Variants in CDH12 observed in about 807,000 individuals in gnomAD.
CDH12 encodes the protein cadherin 12.
In CDH12, 41 loss-of-function variants were observed where a neutral mutation model predicts 74.1. That is an observed-to-expected ratio of 0.55 (90% CI 0.43 to 0.72). The LOEUF is 0.72. Ranked by LOEUF, CDH12 falls within the 30% of genes least tolerant of loss-of-function variation. The pLI is 0.00. For missense variants in CDH12, 945 were observed against 977.2 expected, an observed-to-expected ratio of 0.97 and a Z score of 0.44; for synonymous variants, 399 against 355.0, an observed-to-expected ratio of 1.12 and a Z score of -1.39.
chr5:22,215,383 A>C (rs529507815), intron 3 of CDH12, among the ~76,000 whole-genome samples: 1 of 152,264 alleles, frequency 6.6e-6, no homozygotes, highest in African/African-American at 2.4e-5. Flanking sequence ...TTTATAACTG[A>C]TAAACTATTG....
chr5:21,857,636 T>C (rs980954039), intron 6 of CDH12, among the ~76,000 whole-genome samples: 1 of 151,892 alleles, frequency 6.6e-6, no homozygotes, highest in African/African-American at 2.4e-5. Flanking sequence ...TCATTGAGTA[T>C]GACAGAACTA....
intron 9 of CDH12, among the ~76,000 whole-genome samples, 168 bp from the exon 10 acceptor site, chr5:21,802,588 T>C (rs1747182660): frequency 1.0e-5 from 1 of 100,380 alleles, no homozygotes; most frequent in African/African-American, 3.2e-5. Flanking sequence ...AAACCATTTT[T>C]TTTTCTTTTT....
intron 1 of CDH12, among the ~76,000 whole-genome samples, chr5:22,814,499 A>C (rs1561050411): frequency 6.6e-6 from 1 of 152,212 alleles, no homozygotes; most frequent in Non-Finnish European, 1.5e-5. Context: ...AGGACAATTC[A>C]TAAATGCCAC....
intron 1 of CDH12, among the ~76,000 whole-genome samples, chr5:22,548,897 AC>A (rs1348135221): frequency 2.6e-5 from 4 of 151,446 alleles, no homozygotes; most frequent in African/African-American, 7.3e-5. Flanking sequence ...TAGAATTGTC[AC>A]CCCTCAAAAC....
chr5:22,476,392 ATGT>A, intron 2 of CDH12, among the ~76,000 whole-genome samples: 1 of 152,186 alleles, frequency 6.6e-6, no homozygotes, highest in East Asian at 1.9e-4. Flanking sequence ...AATTAAATTG[ATGT>A]TAAGAAATGA....
In CDH12 at chr5:22,519,585, G is replaced by A. The variant is rs1167045139; in HGVS notation, c.-522-14221C>T. Reference sequence around the variant, plus strand: ...ACTACAGGCGCCCGTCACCACACCCGGCTAATTTTTTGTATTTTTAGTAGA... The same window carrying A: ...ACTACAGGCGCCCGTCACCACACCCAGCTAATTTTTTGTATTTTTAGTAGA... On this transcript the variant is annotated intron_variant, in intron 1 of 14. Transcript: ENST00000382254. Among the ~76,000 whole-genome samples the A allele has an allele frequency of 5.9e-5, 9 of 151,808 alleles. No individual in the cohort carries two copies. The East Asian group carries it at 1.4e-3, about 23-fold the overall frequency.
At chr5:21,815,039 G>A (rs1194149297) in intron 9 of CDH12, among the ~76,000 whole-genome samples, 2 of 151,968 alleles carry the variant, frequency 1.3e-5, no homozygotes, top group Admixed American at 6.6e-5. Context: ...GATCATGTGG[G>A]TTAAATTAAT....
intron 3 of CDH12, among the ~76,000 whole-genome samples, chr5:22,358,033 T>C (rs1378525352): frequency 3.9e-5 from 6 of 152,188 alleles, no homozygotes; most frequent in Admixed American, 6.6e-5. Flanking sequence ...CCTGCTAAAG[T>C]GCATTGAAAG....
intron 6 of CDH12, among the ~76,000 whole-genome samples, chr5:21,964,356 A>G (rs1168931537): frequency 1.3e-5 from 2 of 152,022 alleles, no homozygotes; most frequent in East Asian, 3.9e-4. Flanking sequence ...TTACACAAGG[A>G]AGCACTTTCC....
chr5:22,669,796 C>T (rs1237590019), intron 1 of CDH12, among the ~76,000 whole-genome samples: 4 of 152,202 alleles, frequency 2.6e-5, no homozygotes, highest in African/African-American at 9.6e-5. Context: ...AAAATACATT[C>T]TCTATTGTTT....
chr5:22,392,259 T>A (rs946464835), intron 3 of CDH12, among the ~76,000 whole-genome samples: 1 of 152,146 alleles, frequency 6.6e-6, no homozygotes, highest in African/African-American at 2.4e-5. Context: ...TTTGAAGTTG[T>A]GTTGGTTAAT....
At chr5:22,519,965 T>G (rs1736978876) in intron 1 of CDH12, among the ~76,000 whole-genome samples, 3 of 151,866 alleles carry the variant, frequency 2.0e-5, no homozygotes, top group South Asian at 2.1e-4. Flanking sequence ...AATAGACTTG[T>G]TTTTTTTCTC....
rs1579650271 is a variant in CDH12, at chr5:21,760,744, T to C, written c.1516-69A>G. 5.1e-5 allele frequency: 46 copies of C among 898,206 alleles called. No homozygotes were observed. The South Asian group carries it at 6.3e-4, about 12-fold the overall frequency. 55.6% of individuals were successfully genotyped at this position (898,206 alleles called of 1,614,324 possible). On this transcript the variant is annotated intron_variant, in intron 12 of 14. Transcript: ENST00000382254. ...GGACTTTACACAGCAGGCTACTAAA[T>C]GTATTTAATGAAGCATGCAAGTAGA...
In CDH12 at chr5:22,793,784, C is replaced by T. The variant is rs532592452; in HGVS notation, c.-523+59274G>A. Among the ~76,000 whole-genome samples, 41 of 151,670 alleles carry T rather than the reference C, an allele frequency of 2.7e-4. No individual in the cohort carries two copies. The South Asian group carries it at 8.1e-3, about 30-fold the overall frequency. On this transcript the variant is annotated intron_variant, in intron 1 of 14. Transcript: ENST00000382254. Reference sequence around the variant, plus strand: ...TTTTTTTCAATCCCATTTATGGAACCACCATCAGAAAAAAAGTGTAAAAAT... The same window carrying T: ...TTTTTTTCAATCCCATTTATGGAACTACCATCAGAAAAAAAGTGTAAAAAT...
At chr5:22,054,653 G>T (rs1388641611) in intron 5 of CDH12, among the ~76,000 whole-genome samples, 2 of 152,066 alleles carry the variant, frequency 1.3e-5, no homozygotes, top group Admixed American at 6.6e-5. Context: ...TCATCTAAAA[G>T]TTTGTAAAAG....
At chr5:22,123,169 A>T (rs1745624980) in intron 4 of CDH12, among the ~76,000 whole-genome samples, 1 of 152,216 alleles carries the variant, frequency 6.6e-6, no homozygotes, top group African/African-American at 2.4e-5. Flanking sequence ...GTCAATGAAT[A>T]GGATAAATGC....
At position 22,327,770 on chromosome 5, in the gene CDH12, C is replaced by T. The variant is rs569906719; in HGVS notation, c.-333+77487G>A. Among the ~76,000 whole-genome samples, 41 of 152,274 alleles carry T rather than the reference C, an allele frequency of 2.7e-4. No individual in the cohort carries two copies. The South Asian group carries it at 7.9e-3, about 29-fold the overall frequency. On this transcript the variant is annotated intron_variant, in intron 3 of 14. Transcript: ENST00000382254. ...AAAATACCCTGGACCACTTCCCTCT[C>T]TCTAGGTTACATGACATGCTTTAAA...
In CDH12 at chr5:21,817,008, C is replaced by G; in HGVS notation, c.939G>C (p.Gly313=). Residue 313 remains glycine, a synonymous_variant, in exon 9 of 15, where the codon GGG becomes GGC. Coordinates refer to ENST00000382254, the MANE Select transcript of CDH12 (RefSeq NM_004061.5). ...EIEYNIVPGD[G]GNLFDIVTDE... is the part of the protein sequence containing the mutation. ...CTGTGACGATGTCAAACAAATTTCC[C>G]CCATCTCCTGGAACAATATTGTATT... 3.1e-6 allele frequency: 5 copies of G among 1,612,526 alleles called. No individual in the cohort carries two copies. Among genetic ancestry groups the G allele is most frequent in the Non-Finnish European group, 4.2e-6 (5 of 1,179,084 alleles).
chr5:22,547,133 G>A (rs993241059), intron 1 of CDH12, among the ~76,000 whole-genome samples: 3 of 152,160 alleles, frequency 2.0e-5, no homozygotes, highest in Admixed American at 2.0e-4. Context: ...CAGAAAAACT[G>A]TTGTAATTAA....
Sources: gnomAD v4.1 joint callset for allele counts (sites outside exome capture counted in the v4.1 genomes callset) on GRCh38, gnomAD v4.1.1 for gene constraint, MANE v1.5 for transcripts, NCBI Gene and HGNC (gene_info 2026-07-23, HGNC 2026-07-21) for gene names.